PLTP: variants seen among roughly 807,000 people sequenced by gnomAD.
PLTP encodes the protein phospholipid transfer protein.
In PLTP, 43 loss-of-function variants were observed where a neutral mutation model predicts 54.1. That is an observed-to-expected ratio of 0.79 (90% CI 0.62 to 1.02). The LOEUF is 1.02. PLTP is among the 50% of genes least tolerant of loss of function. The pLI is 0.00. For synonymous variants in PLTP, 263 were observed against 264.6 expected, an observed-to-expected ratio of 0.99 and a Z score of 0.06; for missense variants, 604 against 645.9, an observed-to-expected ratio of 0.94 and a Z score of 0.70.
intron 7 of PLTP, among the ~76,000 whole-genome samples, chr20:45,907,387 C>T (rs997324170): frequency 8.6e-5 from 13 of 151,586 alleles, no homozygotes; most frequent in Non-Finnish European, 1.2e-4. Context: ...TAATTGAGCA[C>T]CTATTAGATG....
rs1482025750 is a variant in PLTP at position 45,910,540 on chromosome 20, G to A, written c.201-470C>T. ...TGAGGCAGGAAAATCGCTTGAACTC[G>A]GGATGCGGAGGTTGCAGTGAGCCAA... On this transcript the variant is annotated intron_variant, in intron 3 of 15. Transcript: ENST00000372431. Among the ~76,000 whole-genome samples the A allele has an allele frequency of 2.0e-5, 3 of 151,506 alleles. No homozygotes were observed. The East Asian group carries it at 5.8e-4, about 29-fold the overall frequency.
intron 15 of PLTP, 68 bp downstream of exon 15, chr20:45,899,394 G>T: frequency 6.6e-7 from 1 of 1,522,198 alleles, no homozygotes. Context: ...GTCAGGTAAT[G>T]GAGGGCACTG....
In PLTP at chr20:45,911,000, C is replaced by A; in HGVS notation, c.200+152G>T. ...ATGACTGGCTTGGCCTTTATCTTTT[C>A]GGCCCCATCCGGTTTCTTAAGTCTT... On this transcript the variant is annotated intron_variant, in intron 3 of 15. Transcript: ENST00000372431. The A allele has an allele frequency of 5.8e-6, 9 of 1,547,088 alleles. No homozygotes were observed. In the South Asian group the frequency reaches 1.1e-4, roughly 19 times the overall value.
At chr20:45,911,579 A>C (rs1469222137) in intron 1 of PLTP, 116 bp from the exon 2 acceptor site, 2 of 1,400,170 alleles carry the variant, frequency 1.4e-6, no homozygotes, top group African/African-American at 2.8e-5. Flanking sequence ...CTCTTCGGGG[A>C]ACTTGGAACC....
intron 5 of PLTP, 73 bp from the exon 6 acceptor site, chr20:45,907,977 G>C (rs1601164586): frequency 7.5e-7 from 1 of 1,328,242 alleles, no homozygotes; most frequent in East Asian, 2.5e-5. Flanking sequence ...AGAAATCAGT[G>C]ACTAGGGAAA....
rs1461719642 is a variant in PLTP at position 45,898,638 on chromosome 20, C to A, written c.*303G>T. ...TAGACAGCCTGGGGGCAAGTTAGCA[C>A]TTTATTCCCGCAGCAGTTCCTGAAT... On this transcript the variant is annotated 3_prime_UTR_variant, in exon 16 of 16. Transcript: ENST00000372431. The surrounding 1 kb of genome is among the most constrained non-coding windows in gnomAD (Gnocchi z 4.6). 1 of 711,034 alleles carries A rather than the reference C, an allele frequency of 1.4e-6. No homozygotes were observed. Among genetic ancestry groups the A allele is most frequent in the African/African-American group, 1.7e-5 (1 of 57,152 alleles). The allele number at this position is 711,034 out of a possible 1,614,324, so 44.0% of individuals were successfully genotyped here.
intron 10 of PLTP, 72 bp downstream of exon 10, chr20:45,904,728 G>A: frequency 6.7e-7 from 1 of 1,497,972 alleles, no homozygotes. Context: ...TGCCACTGGG[G>A]GCCCCACCTG....
At chr20:45,902,418 GC>G in intron 11 of PLTP, 21 bp downstream of exon 11, 1 of 1,614,164 alleles carries the variant, frequency 6.2e-7, no homozygotes, top group Non-Finnish European at 8.5e-7. Context: ...CCAGCCAGCA[GC>G]CCCCACTCTG....
intron 12 of PLTP, 89 bp from the exon 13 acceptor site, chr20:45,899,967 G>T: frequency 8.5e-7 from 1 of 1,170,346 alleles, no homozygotes; most frequent in Non-Finnish European, 1.3e-6. Context: ...AGGTGTCTGA[G>T]TTGCAGGCTC....
intron 10 of PLTP, among the ~76,000 whole-genome samples, chr20:45,903,880 A>G (rs1431029845): frequency 2.0e-5 from 3 of 150,868 alleles, no homozygotes; most frequent in Admixed American, 1.3e-4. Context: ...TTATTTTTCA[A>G]TAGAGACAGT....
intron 5 of PLTP, among the ~76,000 whole-genome samples, chr20:45,909,067 C>T (rs563674347): frequency 3.8e-4 from 57 of 149,436 alleles, no homozygotes; most frequent in African/African-American, 1.3e-3. Context: ...CGGGTTCAAG[C>T]GATTCTCCTG....
chr20:45,899,812 G>T, intron 13 of PLTP, 24 bp downstream of exon 13: 1 of 309,342 alleles, frequency 3.2e-6, no homozygotes, highest in South Asian at 2.1e-5. Flanking sequence ...ACCCAGCCCA[G>T]CCCACCCACC....
intron 4 of PLTP, 118 bp downstream of exon 4, chr20:45,909,824 C>A: frequency 1.4e-6 from 2 of 1,461,344 alleles, no homozygotes; most frequent in Non-Finnish European, 1.9e-6. Context: ...ATGCCTGTTT[C>A]TGTTACACAG....
rs754779197 is a variant in PLTP at position 45,911,427 on chromosome 20, AG to A, written c.25del (p.Leu9Ter). MALFGALFLALLAGAHAEF... is the reference protein window; with the variant it reads MALFGALFXALLAGAHAEF... ...TGCATGTGCGCCTGCCAGCAGCGCT[AG>A]GAAGAGGGCCCCGAAGAGGGCCATG... On this transcript the variant is annotated frameshift_variant, in exon 2 of 16. Transcript: ENST00000372431. LOFTEE classifies it high-confidence loss of function. 1.0e-5 allele frequency: 16 copies of A among 1,606,522 alleles called. No individual in the cohort carries two copies. Among genetic ancestry groups the A allele is most frequent in the Non-Finnish European group, 9.3e-6 (11 of 1,179,976 alleles).
At chr20:45,909,805 G>T in intron 4 of PLTP, 134 bp from the exon 5 acceptor site, 1 of 1,415,648 alleles carries the variant, frequency 7.1e-7, no homozygotes, top group Non-Finnish European at 9.9e-7. Context: ...CAACTCGTAT[G>T]AAATGCATAT....
intron 8 of PLTP, among the ~76,000 whole-genome samples, chr20:45,905,824 C>T (rs564646759): frequency 5.1e-4 from 78 of 152,336 alleles, no homozygotes; most frequent in African/African-American, 1.8e-3. Context: ...GGCTATGTGG[C>T]CTTGGGCAAG....
intron 7 of PLTP, 121 bp from the exon 8 acceptor site, chr20:45,906,480 G>T: frequency 1.3e-6 from 1 of 773,482 alleles, no homozygotes; most frequent in Non-Finnish European, 2.3e-6. Context: ...TGTCATGAGG[G>T]TCAAATTAGT....
Position 45,898,632 on chromosome 20 carries a change from TTAGCACTTTATTCCC to T in PLTP, c.*294_*308del. ...CTCCCATAGACAGCCTGGGGGCAAG[TTAGCACTTTATTCCC>T]GCAGCAGTTCCTGAATGGGGTGGCC... On this transcript the variant is annotated 3_prime_UTR_variant, in exon 16 of 16. Coordinates refer to ENST00000372431, the MANE Select transcript of PLTP (RefSeq NM_006227.4). This position sits in a 1 kb window ranked among gnomAD's most constrained non-coding sequence, Gnocchi z 4.6. The T allele has an allele frequency of 1.4e-6, 1 of 721,494 alleles. No individual in the cohort carries two copies. Among genetic ancestry groups the T allele is most frequent in the Non-Finnish European group, 2.4e-6 (1 of 412,294 alleles). The allele number at this position is 721,494 out of a possible 1,614,324, so 44.7% of individuals were successfully genotyped here.
chr20:45,911,766 A>G, intron 1 of PLTP: 1 of 466,924 alleles, frequency 2.1e-6, no homozygotes, highest in Non-Finnish European at 3.9e-6. Context: ...ACCCCCAACA[A>G]CCTCCCCTTT....
Sources: gnomAD v4.1 joint callset for allele counts (sites outside exome capture counted in the v4.1 genomes callset) on GRCh38, gnomAD v4.1.1 for gene constraint, Gnocchi (gnomAD v3.1) non-coding constraint, MANE v1.5 for transcripts, NCBI Gene and HGNC (gene_info 2026-07-23, HGNC 2026-07-21) for gene names.